The following FHIT variants were observed in gnomAD, a reference collection of about 807,000 sequenced individuals.
FHIT encodes bis(5'-adenosyl)-triphosphatase.
A neutral mutation model predicts 17.9 loss-of-function variants in FHIT; 19 were observed. The observed-to-expected ratio is 1.06, with a 90% CI of 0.74 to 1.56. The LOEUF (loss-of-function observed/expected upper bound fraction) is 1.56, where lower values mean the gene tolerates loss of function less well. Ranked by LOEUF, FHIT falls within the 40% of genes most tolerant of loss-of-function variation. The probability of loss-of-function intolerance (pLI) is 0.00; values close to 1 mark genes in which losing one functional copy is unlikely to be tolerated. For missense variants in FHIT, 248 were observed against 189.2 expected (o/e 1.31, Z -1.82); for synonymous variants, 81 against 69.7 (o/e 1.16, Z -0.81).
intron 4 of FHIT, among the ~76,000 whole-genome samples, chr3:60,620,996 T>A (rs1312168386): frequency 1.3e-5 from 2 of 152,080 alleles, no homozygotes; most frequent in Non-Finnish European, 2.9e-5. Context: ...CCAAATAATA[T>A]ATAAATAGCC....
chr3:60,482,639 G>A (rs747027212), intron 5 of FHIT, among the ~76,000 whole-genome samples: 1 of 152,130 alleles, frequency 6.6e-6, no homozygotes, highest in Non-Finnish European at 1.5e-5. Context: ...TGAGAACAAA[G>A]AGACAACATA....
At chr3:60,341,911 G>A (rs1184039944) in intron 5 of FHIT, among the ~76,000 whole-genome samples, 3 of 152,172 alleles carry the variant, frequency 2.0e-5, no homozygotes, top group Admixed American at 6.5e-5. Context: ...CAGCCAAAAC[G>A]AGGTTCTTGT....
chr3:60,648,061 G>A (rs1268358918), intron 4 of FHIT, among the ~76,000 whole-genome samples: 1 of 152,104 alleles, frequency 6.6e-6, no homozygotes, highest in African/African-American at 2.4e-5. Context: ...TCACTCCTAA[G>A]CCTTCAAGCT....
chr3:60,227,288 G>C (rs566305630), intron 5 of FHIT, among the ~76,000 whole-genome samples: 1 of 152,224 alleles, frequency 6.6e-6, no homozygotes, highest in South Asian at 2.1e-4. Flanking sequence ...TACATTATTA[G>C]ATTTTATGGC....
At chr3:60,272,663 G>C (rs1394251821) in intron 5 of FHIT, among the ~76,000 whole-genome samples, 2 of 152,318 alleles carry the variant, frequency 1.3e-5, no homozygotes, top group East Asian at 3.9e-4. Flanking sequence ...GGCCACTTCT[G>C]TACAAACTGA....
intron 4 of FHIT, among the ~76,000 whole-genome samples, chr3:60,543,039 G>A (rs753954402): frequency 6.6e-6 from 1 of 152,112 alleles, no homozygotes; most frequent in Non-Finnish European, 1.5e-5. Flanking sequence ...AATAAGTCTA[G>A]ACTCCTTTCT....
At chr3:60,034,959 T>C (rs564873712) in intron 5 of FHIT, among the ~76,000 whole-genome samples, 3 of 152,366 alleles carry the variant, frequency 2.0e-5, no homozygotes, top group South Asian at 2.1e-4. Flanking sequence ...TTATTATCAC[T>C]ATCTCATTCA....
At chr3:60,013,706 A>T (rs1700226833) in intron 6 of FHIT, among the ~76,000 whole-genome samples, 1 of 152,138 alleles carries the variant, frequency 6.6e-6, no homozygotes, top group South Asian at 2.1e-4. Flanking sequence ...AATGAAAATG[A>T]TTTTTCCAGT....
intron 5 of FHIT, among the ~76,000 whole-genome samples, chr3:60,227,917 C>T (rs1704295924): frequency 6.6e-6 from 1 of 152,090 alleles, no homozygotes; most frequent in South Asian, 2.1e-4. Flanking sequence ...AAAAAGTGAA[C>T]CATTTTAAAA....
intron 8 of FHIT, among the ~76,000 whole-genome samples, chr3:59,785,540 A>G (rs1702808880): frequency 6.6e-6 from 1 of 152,062 alleles, no homozygotes; most frequent in African/African-American, 2.4e-5. Flanking sequence ...TTCCAAGCTG[A>G]ACTCCTGACC....
intron 5 of FHIT, among the ~76,000 whole-genome samples, chr3:60,467,065 T>A (rs1413558877): frequency 6.6e-6 from 1 of 151,954 alleles, no homozygotes; most frequent in Admixed American, 6.6e-5. Context: ...TCTGTTCAGG[T>A]TTTGCATTTC....
intron 8 of FHIT, among the ~76,000 whole-genome samples, chr3:59,817,569 AAAAAAAAAAAAG>A (rs1700644586): frequency 6.6e-6 from 1 of 151,320 alleles, no homozygotes; most frequent in African/African-American, 2.4e-5. Context: ...CACTAAAAAA[AAAAAAAAAAAAG>A]AAAGAAAGAA....
chr3:60,975,348 C>T (rs769636367), intron 3 of FHIT, among the ~76,000 whole-genome samples: 2 of 152,144 alleles, frequency 1.3e-5, no homozygotes, highest in Non-Finnish European at 2.9e-5. Context: ...GAGGCAGGCA[C>T]ATGTCAGAAT....
intron 7 of FHIT, among the ~76,000 whole-genome samples, chr3:59,994,855 C>G (rs1017554842): frequency 6.6e-6 from 1 of 152,088 alleles, no homozygotes; most frequent in Non-Finnish European, 1.5e-5. Flanking sequence ...TTCACCTTGT[C>G]TATGCACTAA....
At chr3:60,802,281 C>T (rs2106668574) in intron 4 of FHIT, among the ~76,000 whole-genome samples, 1 of 152,278 alleles carries the variant, frequency 6.6e-6, no homozygotes. Context: ...AGCCATGGGC[C>T]ATTAACAGGA....
intron 3 of FHIT, among the ~76,000 whole-genome samples, chr3:60,985,259 T>C (rs934451271): frequency 6.6e-6 from 1 of 152,210 alleles, no homozygotes; most frequent in Non-Finnish European, 1.5e-5. Context: ...TGTGTTTTTT[T>C]ACTTCTGGAC....
At chr3:60,441,135 A>G (rs1156558446) in intron 5 of FHIT, among the ~76,000 whole-genome samples, 1 of 152,042 alleles carries the variant, frequency 6.6e-6, no homozygotes. Context: ...TACCTGATAC[A>G]GGAGACAGAA....
intron 5 of FHIT, among the ~76,000 whole-genome samples, chr3:60,337,775 G>C (rs1710314328): frequency 6.6e-6 from 1 of 152,128 alleles, no homozygotes; most frequent in Non-Finnish European, 1.5e-5. Context: ...GGTGTACCTG[G>C]GGTTTCCATA....
At chr3:60,185,908 T>C (rs530810317) in intron 5 of FHIT, among the ~76,000 whole-genome samples, 26 of 152,236 alleles carry the variant, frequency 1.7e-4, no homozygotes, top group African/African-American at 4.3e-4. Flanking sequence ...ACATGTGACG[T>C]TGAACATCTT....
Sources: allele counts gnomAD v4.1 joint callset (sites outside exome capture counted in the v4.1 genomes callset), GRCh38; gene constraint gnomAD v4.1.1; transcripts MANE v1.5; gene names NCBI Gene and HGNC (gene_info 2026-07-23, HGNC 2026-07-21).